Variants in DOCK3 observed in about 807,000 individuals in gnomAD.
The protein encoded by DOCK3 is dedicator of cytokinesis protein 3.
DOCK3 carries 60 observed loss-of-function variants against 265.6 expected under a neutral mutation model. The observed-to-expected ratio is 0.23, with a 90% confidence interval of 0.18 to 0.28. The LOEUF (loss-of-function observed/expected upper bound fraction) is 0.28, where lower values mean the gene tolerates loss of function less well. Among genes scored for constraint, DOCK3 ranks in the 10% least tolerant of loss-of-function variants. DOCK3 has a pLI of 1.00. For synonymous variants in DOCK3, 881 were observed against 938.0 expected (o/e 0.94, Z 1.11); for missense variants, 1,981 against 2,594.3 (o/e 0.76, Z 5.14).
At chr3:50,772,690 C>A (rs1438626879) in intron 1 of DOCK3, among the ~76,000 whole-genome samples, 2 of 151,978 alleles carry the variant, frequency 1.3e-5, no homozygotes, top group Non-Finnish European at 2.9e-5. Context: ...ATCTCATATA[C>A]AATAGGTAAA....
chr3:51,067,882 C>T (rs2081662495), intron 6 of DOCK3, among the ~76,000 whole-genome samples: 1 of 152,126 alleles, frequency 6.6e-6, no homozygotes. Context: ...TTATGTAAAA[C>T]AGACTGTTCC....
chr3:51,270,746 TTGTC>T (rs1481117343), intron 23 of DOCK3, 65 bp from the exon 24 acceptor site: 4 of 1,481,264 alleles, frequency 2.7e-6, no homozygotes, highest in Non-Finnish European at 3.6e-6. Context: ...CCTTGTATCA[TTGTC>T]TGAGCATGAA....
chr3:50,689,499 C>G (rs1166077270), intron 1 of DOCK3, among the ~76,000 whole-genome samples: 2 of 152,172 alleles, frequency 1.3e-5, no homozygotes, highest in East Asian at 3.9e-4. Context: ...ATCACATCTT[C>G]ATGAGAATGG....
At chr3:50,809,196 A>G (rs1173449104) in intron 2 of DOCK3, among the ~76,000 whole-genome samples, 1 of 152,224 alleles carries the variant, frequency 6.6e-6, no homozygotes, top group East Asian at 1.9e-4. Context: ...AAAGGCTTGT[A>G]TTCAGAGCAT....
At chr3:51,272,829 T>G (rs1000178612) in intron 24 of DOCK3, among the ~76,000 whole-genome samples, 3 of 152,012 alleles carry the variant, frequency 2.0e-5, no homozygotes, top group African/African-American at 7.2e-5. Context: ...ACACTGTCAC[T>G]GAAGGCCACT....
At chr3:51,308,906 A>T (rs1360719474) in intron 27 of DOCK3, among the ~76,000 whole-genome samples, 1 of 138,752 alleles carries the variant, frequency 7.2e-6, no homozygotes, top group Admixed American at 7.2e-5. Context: ...CACTTCTCAG[A>T]CGGGGCGGCC....
At chr3:51,322,564 CG>C (rs942741196) in intron 32 of DOCK3, among the ~76,000 whole-genome samples, 2 of 152,028 alleles carry the variant, frequency 1.3e-5, no homozygotes, top group African/African-American at 4.8e-5. Context: ...GCTTCATAAG[CG>C]AAGGAGAAAT....
chr3:51,130,229 G>A (rs1037144646), intron 9 of DOCK3, among the ~76,000 whole-genome samples: 1 of 152,192 alleles, frequency 6.6e-6, no homozygotes, highest in East Asian at 1.9e-4. Flanking sequence ...CAGCATAATG[G>A]TCATCAATGT....
intron 12 of DOCK3, among the ~76,000 whole-genome samples, chr3:51,202,701 C>T (rs2088877734): frequency 6.6e-6 from 1 of 152,096 alleles, no homozygotes; most frequent in East Asian, 1.9e-4. Flanking sequence ...CAAAGCCTGG[C>T]AGAGACACAA....
At chr3:51,138,712 A>G (rs1190557651) in intron 9 of DOCK3, among the ~76,000 whole-genome samples, 1 of 152,234 alleles carries the variant, frequency 6.6e-6, no homozygotes, top group Admixed American at 6.5e-5. Flanking sequence ...AGAGATTCAC[A>G]GAGCGTATAA....
intron 7 of DOCK3, among the ~76,000 whole-genome samples, chr3:51,080,753 T>C (rs1304665746): frequency 1.3e-5 from 2 of 152,246 alleles, no homozygotes; most frequent in Non-Finnish European, 2.9e-5. Context: ...GTCCTTTTAA[T>C]TGGTTAACAG....
At position 51,312,516 on chromosome 3, in the gene DOCK3, A is replaced by G; in HGVS notation, c.3134A>G (p.Asn1045Ser). ...TTTAGCCTGGCAGTTCTATTCATAA[A>G]TCAGCCAAGCCTTCAGCTAGAAATT... ...SYFSLAVLFI[N>S]QPSLQLEIIT... The change falls in exon 30 of 53, where the codon AAT (asparagine) becomes AGT (serine). Residue 1045 changes from asparagine to serine, a missense_variant. By Grantham distance (46) the Asn-to-Ser change is conservative (BLOSUM62 1). Coordinates refer to ENST00000266037, the MANE Select transcript of DOCK3 (RefSeq NM_004947.5). 1 of 1,606,500 alleles carries G rather than the reference A, an allele frequency of 6.2e-7. No individual in the cohort carries two copies. Among genetic ancestry groups the G allele is most frequent in the Non-Finnish European group, 8.5e-7 (1 of 1,178,398 alleles).
intron 4 of DOCK3, among the ~76,000 whole-genome samples, chr3:50,931,060 A>G (rs575902712): frequency 2.0e-4 from 30 of 152,234 alleles, no homozygotes; most frequent in Middle Eastern, 3.4e-3. Flanking sequence ...TCCTGGAGGT[A>G]GGGCACGGGA....
At chr3:51,336,906 CCCTTCATGGGG>C in intron 35 of DOCK3, 1 of 456,040 alleles carries the variant, frequency 2.2e-6, no homozygotes. Context: ...AATCTCACTG[CCCTTCATGGGG>C]CCAACTTACT....
intron 5 of DOCK3, among the ~76,000 whole-genome samples, chr3:50,962,340 C>G (rs1005048389): frequency 1.3e-5 from 2 of 152,192 alleles, no homozygotes; most frequent in Non-Finnish European, 2.9e-5. Flanking sequence ...TGATACCTAT[C>G]TAAAGGGCTG....
chr3:51,357,346 C>T (rs1031164553), intron 44 of DOCK3, among the ~76,000 whole-genome samples: 1 of 152,164 alleles, frequency 6.6e-6, no homozygotes, highest in Non-Finnish European at 1.5e-5. Flanking sequence ...CATTTTTATT[C>T]TCTGAACTCT....
intron 12 of DOCK3, among the ~76,000 whole-genome samples, chr3:51,190,843 C>T (rs2087896752): frequency 6.6e-6 from 1 of 152,194 alleles, no homozygotes; most frequent in South Asian, 2.1e-4. Flanking sequence ...TGGCTCTCCA[C>T]TTGCAGGGCA....
chr3:51,277,573 C>A, intron 25 of DOCK3, 35 bp from the exon 26 acceptor site: 1 of 1,500,430 alleles, frequency 6.7e-7, no homozygotes, highest in Non-Finnish European at 8.9e-7. Context: ...GCCTGGCTTG[C>A]TGCTAATGGT....
At chr3:50,788,120 C>G (rs2042280611) in intron 2 of DOCK3, 2 of 763,612 alleles carry the variant, frequency 2.6e-6, no homozygotes, top group South Asian at 1.8e-5. Flanking sequence ...ATAAGGACTT[C>G]CTGGTTCCCT....
Sources: allele counts gnomAD v4.1 joint callset (sites outside exome capture counted in the v4.1 genomes callset), GRCh38; gene constraint gnomAD v4.1.1; transcripts MANE v1.5; gene names NCBI Gene and HGNC (gene_info 2026-07-23, HGNC 2026-07-21).